The following LRRC37A2 variants were observed in gnomAD, a reference collection of about 807,000 sequenced individuals.
The protein encoded by LRRC37A2 is leucine-rich repeat-containing protein 37A2.
Under a neutral mutation model 68.8 loss-of-function variants are expected in LRRC37A2, and 9 were observed. That is an observed-to-expected ratio of 0.13 (90% CI 0.08 to 0.23). LRRC37A2 has a LOEUF of 0.23. Among genes scored for constraint, LRRC37A2 ranks in the 10% least tolerant of loss-of-function variants. LRRC37A2 has a pLI of 1.00. For missense variants in LRRC37A2, 168 were observed against 950.4 expected (o/e 0.18, Z 10.82); for synonymous variants, 63 against 367.6 (o/e 0.17, Z 9.48).
At chr17:46,883,535 T>G in the LRRC37A2 span, among the ~76,000 whole-genome samples, 99 of 152,162 alleles carry the variant, frequency 6.5e-4, no homozygotes, top group Middle Eastern at 3.2e-3. Flanking sequence ...TCCACCCATC[T>G]TGGCCTTCCA....
the LRRC37A2 span, among the ~76,000 whole-genome samples, chr17:46,794,736 TTC>T: frequency 6.8e-6 from 1 of 147,796 alleles, no homozygotes; most frequent in East Asian, 2.0e-4. Flanking sequence ...TTTCTTTTCT[TTC>T]TTTCTTTCTT....
the LRRC37A2 span, among the ~76,000 whole-genome samples, chr17:46,999,737 G>A: frequency 2.0e-5 from 3 of 151,794 alleles, no homozygotes; most frequent in South Asian, 2.1e-4. Flanking sequence ...TATAGCTCAC[G>A]CCTATAATCC....
At chr17:46,881,130 G>A in the LRRC37A2 span, among the ~76,000 whole-genome samples, 1 of 152,206 alleles carries the variant, frequency 6.6e-6, no homozygotes, top group Non-Finnish European at 1.5e-5. Context: ...CTCTTTCTGA[G>A]CCAAGCACAG....
chr17:46,817,970 A>C, the LRRC37A2 span, among the ~76,000 whole-genome samples: 32 of 152,026 alleles, frequency 2.1e-4, no homozygotes, highest in African/African-American at 7.7e-4. Flanking sequence ...GAATCTGATG[A>C]AATCCCCCCA....
At chr17:46,816,543 C>T in the LRRC37A2 span, among the ~76,000 whole-genome samples, 1 of 151,676 alleles carries the variant, frequency 6.6e-6, no homozygotes, top group Non-Finnish European at 1.5e-5. Context: ...GACAAAGCAG[C>T]ATTCCTGTCC....
the LRRC37A2 span, among the ~76,000 whole-genome samples, chr17:46,780,814 C>T: frequency 6.6e-6 from 1 of 152,016 alleles, no homozygotes; most frequent in Non-Finnish European, 1.5e-5. Context: ...CCAACAGACA[C>T]CTGTACACCA....
the LRRC37A2 span, chr17:47,018,909 C>G: frequency 1.3e-6 from 2 of 1,519,358 alleles, no homozygotes; most frequent in Non-Finnish European, 1.8e-6. Flanking sequence ...GACCCCAACT[C>G]AGCCTCCTAA....
the LRRC37A2 span, among the ~76,000 whole-genome samples, chr17:46,794,041 G>A: frequency 6.6e-6 from 1 of 152,144 alleles, no homozygotes; most frequent in Admixed American, 6.5e-5. Context: ...GTGTCACACG[G>A]TGAAATCTAA....
rs2056531480 is a variant in LRRC37A2 at position 46,549,111 on chromosome 17, T to C, written c.3972T>C (p.Ser1324=). 3 of 1,610,562 alleles carry C rather than the reference T, an allele frequency of 1.9e-6. No individual in the cohort carries two copies. The African/African-American group carries it at 4.1e-5, about 22-fold the overall frequency. Residue 1324 remains serine, a synonymous_variant, in exon 10 of 15, where the codon AGT becomes AGC. Transcript: ENST00000576629. Reference sequence around the variant, plus strand: ...ACAGAACACCCAAAGTCAAAAAGAGTCCAAAGGTCAGAAAGAAAAGTTATC... The same window carrying C: ...ACAGAACACCCAAAGTCAAAAAGAGCCCAAAGGTCAGAAAGAAAAGTTATC...
At chr17:46,817,033 G>A in the LRRC37A2 span, among the ~76,000 whole-genome samples, 935 of 152,302 alleles carry the variant, frequency 6.1e-3, 7 homozygotes, top group African/African-American at 0.021. Flanking sequence ...AAAAGTGTGG[G>A]TTGGGCAGAA....
chr17:46,982,485 C>T, the LRRC37A2 span, among the ~76,000 whole-genome samples: 2 of 152,166 alleles, frequency 1.3e-5, no homozygotes, highest in Non-Finnish European at 1.5e-5. Context: ...AAATACATTA[C>T]CTCCCTGAAT....
the LRRC37A2 span, among the ~76,000 whole-genome samples, chr17:46,495,000 C>T: frequency 6.7e-6 from 1 of 150,042 alleles, no homozygotes; most frequent in African/African-American, 2.5e-5. Flanking sequence ...CGGTAACCAT[C>T]ATTCTACTGC....
chr17:46,847,853 G>A, the LRRC37A2 span, among the ~76,000 whole-genome samples: 1 of 152,214 alleles, frequency 6.6e-6, no homozygotes, highest in Non-Finnish European at 1.5e-5. Context: ...GGCAGGGTGG[G>A]CTGGCCTGGG....
the LRRC37A2 span, among the ~76,000 whole-genome samples, chr17:46,870,656 G>A: frequency 1.3e-4 from 20 of 152,190 alleles, no homozygotes; most frequent in South Asian, 1.9e-3. Context: ...TGGCCAGGCC[G>A]CATACCCTCT....
At chr17:46,390,039 G>A in the LRRC37A2 span, among the ~76,000 whole-genome samples, 15 of 151,104 alleles carry the variant, frequency 9.9e-5, no homozygotes, top group Admixed American at 2.0e-4. Flanking sequence ...ATTTTCTCAC[G>A]GTTCTGGAAG....
chr17:46,931,723 C>T, the LRRC37A2 span: 1 of 372,986 alleles, frequency 2.7e-6, no homozygotes, highest in Non-Finnish European at 4.9e-6. Flanking sequence ...CAAAGATGCC[C>T]TTGGGCTTCT....
At chr17:46,541,448 C>T (rs1219183043) in intron 8 of LRRC37A2, among the ~76,000 whole-genome samples, 3 of 149,022 alleles carry the variant, frequency 2.0e-5, no homozygotes, top group East Asian at 2.0e-4. Context: ...GACAAGGTTT[C>T]GCCATGTTGG....
At chr17:46,770,162 C>G in the LRRC37A2 span, 1 of 1,370,490 alleles carries the variant, frequency 7.3e-7, no homozygotes, top group Non-Finnish European at 9.6e-7. Flanking sequence ...AGTTGAAGAG[C>G]TCACCAGCCC....
intron 6 of LRRC37A2, among the ~76,000 whole-genome samples, chr17:46,534,861 G>A (rs1174244083): frequency 5.3e-5 from 8 of 149,714 alleles, no homozygotes; most frequent in African/African-American, 1.5e-4. Context: ...GGCGGCTGCC[G>A]GGCAGAGGGG....
Sources: gnomAD v4.1 joint callset for allele counts (sites outside exome capture counted in the v4.1 genomes callset) on GRCh38, gnomAD v4.1.1 for gene constraint, MANE v1.5 for transcripts, NCBI Gene and HGNC (gene_info 2026-07-23, HGNC 2026-07-21) for gene names.